Variants in GTF3C1 observed in about 807,000 individuals in gnomAD.
The protein encoded by GTF3C1 is general transcription factor 3C polypeptide 1.
Under a neutral mutation model 226.7 loss-of-function variants are expected in GTF3C1, and 57 were observed. That is an observed-to-expected ratio of 0.25 (90% confidence interval 0.20 to 0.31). GTF3C1 has a LOEUF of 0.31. Among genes scored for constraint, GTF3C1 ranks in the 10% least tolerant of loss-of-function variants. The pLI, the probability that GTF3C1 is intolerant of heterozygous loss-of-function variation, is 1.00. For missense variants in GTF3C1, 2,217 were observed against 2,776.1 expected, an observed-to-expected ratio of 0.80 and a Z score of 4.53; for synonymous variants, 1,090 against 1,084.8, an observed-to-expected ratio of 1.00 and a Z score of -0.09.
chr16:27,526,854 C>G (rs1262599830), intron 6 of GTF3C1, among the ~76,000 whole-genome samples: 1 of 152,204 alleles, frequency 6.6e-6, no homozygotes, highest in Non-Finnish European at 1.5e-5. Flanking sequence ...TGACCTGCAG[C>G]TTTTAAAATG....
rs1366338350 is a variant in GTF3C1, at chr16:27,507,526, T to C, written c.1243-370A>G. Reference sequence around the variant, plus strand: ...GCATTTGTGATGCAGACTGAAAAGTTAGACTGTGGAACGCAAGCTCCACTT... The same window carrying C: ...GCATTTGTGATGCAGACTGAAAAGTCAGACTGTGGAACGCAAGCTCCACTT... On this transcript the variant is annotated intron_variant, in intron 8 of 36. Coordinates refer to ENST00000356183, the MANE Select transcript of GTF3C1 (RefSeq NM_001520.4). The surrounding 1 kb of genome is among the most constrained non-coding windows in gnomAD (Gnocchi z 4.9). 6.6e-6 allele frequency among the ~76,000 whole-genome samples: 1 copy of C among 152,244 alleles called. No individual in the cohort carries two copies. Among genetic ancestry groups the C allele is most frequent in the Non-Finnish European group, 1.5e-5 (1 of 68,034 alleles).
rs764653482 is a variant in GTF3C1 at position 27,464,433 on chromosome 16, G to A, written c.5759C>T (p.Ala1920Val). 34 of 1,603,712 alleles carry A rather than the reference G, an allele frequency of 2.1e-5. No homozygotes were observed. Among genetic ancestry groups the A allele is most frequent in the Middle Eastern group, 1.7e-4 (1 of 6,042 alleles). ...GTCTTCCTGTGCTGCTCCCGCTGCAGCGGTGTCTTCAAGAGCTGGGGGTGG... is the reference window on the plus strand; with the variant it reads ...GTCTTCCTGTGCTGCTCCCGCTGCAACGGTGTCTTCAAGAGCTGGGGGTGG... ...PSPPPALEDT[A>V]AAGAAQEDQE... is the part of the protein sequence containing the mutation. Residue 1920 changes from alanine to valine, a missense_variant, in exon 34 of 37, where the codon GCT becomes GTT. Physicochemically the swap from Ala to Val is moderately conservative, Grantham distance 64. Around this residue, in one of 12 missense-constraint regions of GTF3C1, gnomAD observed 455 missense variants for 441.9 expected, o/e 1.03. Transcript: ENST00000356183.
Position 27,471,068 on chromosome 16 carries a change from C to G in GTF3C1, c.4527-673G>C, listed in dbSNP as rs913060647. Reference sequence around the variant, plus strand: ...CTGGGGAGGAGGAAGTGTCTGCCGTCGTGGGGAAGGGATGGGATCAAAGAA... The same window carrying G: ...CTGGGGAGGAGGAAGTGTCTGCCGTGGTGGGGAAGGGATGGGATCAAAGAA... On this transcript the variant is annotated intron_variant, in intron 30 of 36. Coordinates refer to ENST00000356183, the MANE Select transcript of GTF3C1 (RefSeq NM_001520.4). The surrounding 1 kb of genome is among the most constrained non-coding windows in gnomAD (Gnocchi z 5.0). Among the ~76,000 whole-genome samples the G allele has an allele frequency of 6.6e-6, 1 of 152,132 alleles. No homozygotes were observed. Among genetic ancestry groups the G allele is most frequent in the Non-Finnish European group, 1.5e-5 (1 of 68,040 alleles).
chr16:27,465,619 G>A (rs1013534189), intron 32 of GTF3C1, 79 bp from the exon 33 acceptor site: 74 of 1,152,716 alleles, frequency 6.4e-5, no homozygotes, highest in Non-Finnish European at 8.6e-5. Context: ...CCACACCCAG[G>A]AAAGGCATGC....
chr16:27,488,786 A>C, intron 21 of GTF3C1, 151 bp from the exon 22 acceptor site: 1 of 702,280 alleles, frequency 1.4e-6, no homozygotes, highest in Non-Finnish European at 2.4e-6. Context: ...CCGCTTTACC[A>C]TTGCTCATGC....
chr16:27,526,388 TTGGTCTCCTA>T lies in GTF3C1; in HGVS notation c.973+2200_973+2209del, dbSNP rs1316027391. 2.0e-5 allele frequency among the ~76,000 whole-genome samples: 3 copies of T among 152,220 alleles called. No individual in the cohort carries two copies. In the East Asian group the frequency reaches 5.8e-4, roughly 29 times the overall value. ...TTTGGCACAGTGCCCAGTCTCCAGC[TTGGTCTCCTA>T]TCTCTGAGCCTAGAAACCCTCCAGC... On this transcript the variant is annotated intron_variant, in intron 6 of 36. Transcript: ENST00000356183.
rs760438020 is a variant in GTF3C1 at position 27,464,261 on chromosome 16, C to T, written c.5872+59G>A. The T allele has an allele frequency of 9.5e-4, 1,000 of 1,058,060 alleles. 1 individual carries two copies. Among genetic ancestry groups the T allele is most frequent in the Non-Finnish European group, 1.2e-3 (961 of 781,218 alleles). The allele number at this position is 1,058,060 out of a possible 1,614,324, so 65.5% of individuals were successfully genotyped here. A position where few individuals can be genotyped will look rare whatever the true frequency, so the allele number is the denominator to read the frequency against. On this transcript the variant is annotated intron_variant, in intron 34 of 36. Transcript: ENST00000356183. Reference sequence around the variant, plus strand: ...GAGGAAGGTGTGAGGCCCATCAGGGCGGAGGGGAGGGAAAGCCAGGGTGGG... The same window carrying T: ...GAGGAAGGTGTGAGGCCCATCAGGGTGGAGGGGAGGGAAAGCCAGGGTGGG...
chr16:27,549,844 A>C lies in GTF3C1; in HGVS notation c.47T>G (p.Leu16Arg). 6.2e-7 allele frequency: 1 copy of C among 1,613,034 alleles called. No individual in the cohort carries two copies. The highest frequency in any genetic ancestry group is 1.1e-5 in the South Asian group (1 of 91,076). Residue 16 changes from leucine to arginine, a missense_variant, in exon 1 of 37, where the codon CTC becomes CGC. Physicochemically the swap from Leu to Arg is moderately radical, Grantham distance 102. Transcript: ENST00000356183. Reference protein sequence around the residue: ...SLLDEVALEGLDGLCLPALWS... With the variant: ...SLLDEVALEGRDGLCLPALWS... ...CAGCGCTGGCAGACACAGGCCATCG[A>C]GCCCCTCCAGAGCGACTTCGTCCAA...
At position 27,471,850 on chromosome 16, in the gene GTF3C1, C is replaced by T; in HGVS notation, c.4424G>A (p.Ser1475Asn). The change falls in exon 30 of 37, where the codon AGC (serine) becomes AAC (asparagine). Residue 1475 changes from serine (S) to asparagine (N), a missense_variant. Around this residue, in one of 12 missense-constraint regions of GTF3C1, gnomAD observed 546 missense variants for 663.0 expected, o/e 0.82. Transcript: ENST00000356183. This position sits in a 1 kb window ranked among gnomAD's most constrained non-coding sequence, Gnocchi z 5.0. ...GTTGACCCGGCGCCGGTTGACCAAG[C>T]TCCTCTTCTGGCACTCCATGAAGGC... The part of the protein sequence containing the change: ...VKAFMECQKR[S>N]LVNRRRVNHT... 6.2e-7 allele frequency: 1 copy of T among 1,614,104 alleles called. No homozygotes were observed. Among genetic ancestry groups the T allele is most frequent in the Non-Finnish European group, 8.5e-7 (1 of 1,179,956 alleles).
At chr16:27,474,472 C>T (rs2087924024) in intron 29 of GTF3C1, among the ~76,000 whole-genome samples, 1 of 152,158 alleles carries the variant, frequency 6.6e-6, no homozygotes. Context: ...TCCCCAAAGT[C>T]CCCTCCAGCT....
At position 27,471,947 on chromosome 16, in the gene GTF3C1, T is replaced by G; in HGVS notation, c.4354-27A>C. On this transcript the variant is annotated intron_variant, in intron 29 of 36. Transcript: ENST00000356183. This position sits in a 1 kb window ranked among gnomAD's most constrained non-coding sequence, Gnocchi z 5.0. Reference sequence around the variant, plus strand: ...TGCAACACAGGGCGGCGAGGGTGAGTAGGGTTCTCCAGCCGGCCACGGAGA... The same window carrying G: ...TGCAACACAGGGCGGCGAGGGTGAGGAGGGTTCTCCAGCCGGCCACGGAGA... The G allele has an allele frequency of 6.2e-7, 1 of 1,608,656 alleles. No individual in the cohort carries two copies. The highest frequency in any genetic ancestry group is 8.5e-7 in the Non-Finnish European group (1 of 1,175,946).
Position 27,464,396 on chromosome 16 carries a change from G to T in GTF3C1, c.5796C>A (p.Val1932=). 6.3e-7 allele frequency: 1 copy of T among 1,598,096 alleles called. No individual in the cohort carries two copies. The highest frequency in any genetic ancestry group is 8.5e-7 in the Non-Finnish European group (1 of 1,172,512). ...AGAAQEDQEG[V]GEFSSPGQEQ... ...CTTGGCCTGGGGAACTGAACTCACC[G>T]ACACCCTCTTGGTCTTCCTGTGCTG... The change falls in exon 34 of 37, where the codon GTC becomes GTA. Residue 1932 remains valine, a synonymous_variant. Coordinates refer to ENST00000356183, the MANE Select transcript of GTF3C1 (RefSeq NM_001520.4).
chr16:27,507,219 G>A lies in GTF3C1; in HGVS notation c.1243-63C>T, dbSNP rs758442430. 4.1e-6 allele frequency: 5 copies of A among 1,218,888 alleles called. No individual in the cohort carries two copies. Among genetic ancestry groups the A allele is most frequent in the Non-Finnish European group, 5.8e-6 (5 of 863,786 alleles). 75.5% of individuals were successfully genotyped at this position (1,218,888 alleles called of 1,614,324 possible). A position where few individuals can be genotyped will look rare whatever the true frequency, so the allele number is the denominator to read the frequency against. On this transcript the variant is annotated intron_variant, in intron 8 of 36. Transcript: ENST00000356183. The surrounding 1 kb of genome is among the most constrained non-coding windows in gnomAD (Gnocchi z 4.9). ...GGGCGTCATACCCACAGGGGTTCAGGTGGTCTGTGGCATCTATTTCCTTAT... is the reference window on the plus strand; with the variant it reads ...GGGCGTCATACCCACAGGGGTTCAGATGGTCTGTGGCATCTATTTCCTTAT...
chr16:27,524,801 A>G (rs1035786932), intron 6 of GTF3C1, among the ~76,000 whole-genome samples: 12 of 152,246 alleles, frequency 7.9e-5, no homozygotes, highest in African/African-American at 2.9e-4. Context: ...GAAAATAAAA[A>G]TGATTAACAG....
chr16:27,527,152 G>A (rs1341571311), intron 6 of GTF3C1, among the ~76,000 whole-genome samples: 5 of 152,226 alleles, frequency 3.3e-5, no homozygotes, highest in Admixed American at 6.5e-5. Context: ...AGGCTGTGGT[G>A]AGCCATGGTT....
At chr16:27,481,253 G>T in intron 26 of GTF3C1, 62 bp from the exon 27 acceptor site, 1 of 1,384,062 alleles carries the variant, frequency 7.2e-7, no homozygotes, top group Non-Finnish European at 1.0e-6. Context: ...GTTTTGCTAA[G>T]ATGCACCAAG....
intron 26 of GTF3C1, 84 bp downstream of exon 26, chr16:27,482,960 C>T: frequency 9.0e-7 from 1 of 1,113,152 alleles, no homozygotes; most frequent in Middle Eastern, 2.0e-4. Context: ...CTGGCAGGGG[C>T]ACTGTGGGAT....
intron 19 of GTF3C1, among the ~76,000 whole-genome samples, chr16:27,490,456 G>A (rs928382932): frequency 2.0e-5 from 3 of 152,148 alleles, no homozygotes; most frequent in African/African-American, 7.2e-5. Context: ...GGCAGTGGGA[G>A]CTCAGGGCCT....
At chr16:27,540,169 GAA>G (rs2089061087) in intron 2 of GTF3C1, among the ~76,000 whole-genome samples, 1 of 151,902 alleles carries the variant, frequency 6.6e-6, no homozygotes, top group South Asian at 2.1e-4. Context: ...TAGGCACAAA[GAA>G]AAAAAGAGGC....
Sources: allele counts gnomAD v4.1 joint callset (sites outside exome capture counted in the v4.1 genomes callset), GRCh38; gene constraint gnomAD v4.1.1; regional missense constraint gnomAD v4.1.1; non-coding constraint Gnocchi (gnomAD v3.1); transcripts MANE v1.5; gene names NCBI Gene and HGNC (gene_info 2026-07-23, HGNC 2026-07-21).